SGCG: variants seen among roughly 807,000 people sequenced by gnomAD.
SGCG encodes the protein gamma-sarcoglycan.
A neutral mutation model predicts 29.3 loss-of-function variants in SGCG; 26 were observed. The ratio of observed to expected loss-of-function variants is 0.89; its 90% confidence interval spans 0.65 to 1.23. SGCG has a LOEUF of 1.23. Among genes scored for constraint, SGCG ranks in the 50% most tolerant of loss-of-function variants. The probability of loss-of-function intolerance (pLI) is 0.00; values close to 1 mark genes in which losing one functional copy is unlikely to be tolerated. For missense variants in SGCG, 353 were observed against 356.0 expected, an observed-to-expected ratio of 0.99 and a Z score of 0.07; for synonymous variants, 145 against 129.7, an observed-to-expected ratio of 1.12 and a Z score of -0.80.
At chr13:23,271,376 G>T (rs148969212) in intron 4 of SGCG, among the ~76,000 whole-genome samples, 15 of 151,926 alleles carry the variant, frequency 9.9e-5, no homozygotes, top group African/African-American at 3.4e-4. Context: ...ATTGTCTTAG[G>T]CCCCATATAA....
At chr13:23,197,675 T>G (rs685404) in intron 1 of SGCG, among the ~76,000 whole-genome samples, 78,911 of 151,900 alleles carry the variant, frequency 0.52, 20,778 homozygotes, top group Non-Finnish European at 0.56. Flanking sequence ...GAGTGATAAA[T>G]CTGTGGAAAT....
intron 1 of SGCG, among the ~76,000 whole-genome samples, chr13:23,201,201 T>C (rs1877740247): frequency 1.3e-5 from 2 of 152,172 alleles, no homozygotes; most frequent in Admixed American, 1.3e-4. Context: ...ACAGGATTGC[T>C]GTCAGCTCTC....
the SGCG span, among the ~76,000 whole-genome samples, chr13:23,169,653 C>T: frequency 2.6e-5 from 4 of 151,092 alleles, no homozygotes; most frequent in Non-Finnish European, 4.4e-5. Flanking sequence ...CACTCCAGCC[C>T]AGCAACAGAG....
rs1319995175 is a variant in SGCG, at chr13:23,271,363, A to C, written c.386-7996A>C. Among the ~76,000 whole-genome samples, 11 of 152,338 alleles carry C rather than the reference A, an allele frequency of 7.2e-5. No homozygotes were observed. In the East Asian group the frequency reaches 2.1e-3, roughly 29 times the overall value. ...TTCCCTGGGCCACACTGGAAGAAGA[A>C]TAATTGTCTTAGGCCCCATATAAAA... On this transcript the variant is annotated intron_variant, in intron 4 of 7. Coordinates refer to ENST00000218867, the MANE Select transcript of SGCG (RefSeq NM_000231.3).
At chr13:23,182,527 C>G (rs546001375) in intron 1 of SGCG, among the ~76,000 whole-genome samples, 15 of 150,716 alleles carry the variant, frequency 1.0e-4, no homozygotes, top group Non-Finnish European at 2.2e-4. Context: ...TCCAGACCTA[C>G]TGCAGGGCCA....
chr13:23,196,517 ATTTC>A (rs1157778226), intron 1 of SGCG, among the ~76,000 whole-genome samples: 1 of 152,086 alleles, frequency 6.6e-6, no homozygotes, highest in Admixed American at 6.5e-5. Context: ...GTTTATTGGC[ATTTC>A]TTTAATTCAG....
chr13:23,175,711 T>G, the SGCG span, among the ~76,000 whole-genome samples: 1 of 152,182 alleles, frequency 6.6e-6, no homozygotes, highest in Non-Finnish European at 1.5e-5. Flanking sequence ...TTTAGAATAC[T>G]GAGTTCAATT....
chr13:23,320,177 G>A (rs1267678043), intron 6 of SGCG, among the ~76,000 whole-genome samples: 1 of 152,186 alleles, frequency 6.6e-6, no homozygotes, highest in Non-Finnish European at 1.5e-5. Context: ...TGCCACAGCT[G>A]GTTGAGAGGC....
At chr13:23,239,739 C>T (rs752740571) in intron 3 of SGCG, among the ~76,000 whole-genome samples, 3 of 152,070 alleles carry the variant, frequency 2.0e-5, no homozygotes, top group Non-Finnish European at 2.9e-5. Context: ...TCACATCACA[C>T]GTGAGTGGCA....
chr13:23,233,604 G>T (rs534629669), intron 2 of SGCG, among the ~76,000 whole-genome samples: 1 of 152,246 alleles, frequency 6.6e-6, no homozygotes, highest in Admixed American at 6.5e-5. Flanking sequence ...ATGATTGGTG[G>T]TGATGGTCAC....
At chr13:23,248,220 T>A (rs528708392) in intron 3 of SGCG, among the ~76,000 whole-genome samples, 10 of 152,244 alleles carry the variant, frequency 6.6e-5, no homozygotes, top group East Asian at 1.9e-4. Context: ...AAAATTTTTT[T>A]AATTTTAGAT....
intron 6 of SGCG, among the ~76,000 whole-genome samples, chr13:23,314,599 T>C (rs528373994): frequency 4.6e-5 from 7 of 151,864 alleles, no homozygotes; most frequent in Non-Finnish European, 7.4e-5. Context: ...CCACAAGATA[T>C]CACACTGGTC....
At position 23,321,604 on chromosome 13, in the gene SGCG, G is replaced by A. The variant is rs117926485; in HGVS notation, c.702+844G>A. On this transcript the variant is annotated intron_variant, in intron 7 of 7. Transcript: ENST00000218867. ...CCTCAGTGACTCACGGGCTGGGAGC[G>A]TAGACAGCTGGAGATGCTGGACACA... Among the ~76,000 whole-genome samples the A allele has an allele frequency of 7.4e-3, 1,132 of 152,292 alleles. 9 individuals carry two copies. The highest frequency in any genetic ancestry group is 0.011 in the Non-Finnish European group (780 of 68,030).
In SGCG at chr13:23,226,339, T is replaced by C. The variant is rs73435003; in HGVS notation, c.196-8272T>C. 1.8e-3 allele frequency among the ~76,000 whole-genome samples: 273 copies of C among 152,102 alleles called. 1 individual carries two copies. Among genetic ancestry groups the C allele is most frequent in the African/African-American group, 6.1e-3 (254 of 41,464 alleles). ...GAAAAAAAATTAAAATCACTTATAA[T>C]GTCACCAAGAGACATAAAATAATTA... On this transcript the variant is annotated intron_variant, in intron 2 of 7. Transcript: ENST00000218867.
the SGCG span, among the ~76,000 whole-genome samples, chr13:23,165,102 C>T: frequency 6.6e-6 from 1 of 152,178 alleles, no homozygotes; most frequent in African/African-American, 2.4e-5. Flanking sequence ...GAGATGGCAG[C>T]TACACTTATG....
chr13:23,192,796 G>A (rs749399), intron 1 of SGCG, among the ~76,000 whole-genome samples: 60,713 of 152,068 alleles, frequency 0.4, 13,244 homozygotes, highest in African/African-American at 0.58. Flanking sequence ...CCTAAACATG[G>A]AAATCTATTT....
At chr13:23,194,045 T>C (rs1050403397) in intron 1 of SGCG, among the ~76,000 whole-genome samples, 10 of 152,202 alleles carry the variant, frequency 6.6e-5, no homozygotes, top group African/African-American at 2.4e-4. Context: ...TGAAATAAAT[T>C]TTAAAAAGTG....
chr13:23,227,938 G>A (rs530491722), intron 2 of SGCG, among the ~76,000 whole-genome samples: 16 of 152,222 alleles, frequency 1.1e-4, no homozygotes, highest in Admixed American at 9.8e-4. Context: ...AGCCTCCAGA[G>A]TACCTGAGAC....
chr13:23,228,692 T>C (rs942313710), intron 2 of SGCG, among the ~76,000 whole-genome samples: 2 of 152,146 alleles, frequency 1.3e-5, no homozygotes, highest in Non-Finnish European at 1.5e-5. Flanking sequence ...ATTATTTAGC[T>C]CCCACTTATA....
Sources: gnomAD v4.1 joint callset for allele counts (sites outside exome capture counted in the v4.1 genomes callset) on GRCh38, gnomAD v4.1.1 for gene constraint, MANE v1.5 for transcripts, NCBI Gene and HGNC (gene_info 2026-07-23, HGNC 2026-07-21) for gene names.